PIGB: variants seen among roughly 807,000 people sequenced by gnomAD.
PIGB encodes the protein GPI alpha-1,2-mannosyltransferase 3.
A neutral mutation model predicts 68.4 loss-of-function variants in PIGB; 58 were observed. The ratio of observed to expected loss-of-function variants is 0.85; its 90% confidence interval spans 0.69 to 1.06. PIGB has a LOEUF of 1.06. PIGB is among the 50% of genes least tolerant of loss of function. PIGB has a pLI of 0.00. For synonymous variants in PIGB, 219 were observed against 220.5 expected, an observed-to-expected ratio of 0.99 and a Z score of 0.06; for missense variants, 634 against 655.8, an observed-to-expected ratio of 0.97 and a Z score of 0.36.
At chr15:55,333,479 C>T (rs751243568) in intron 5 of PIGB, among the ~76,000 whole-genome samples, 9 of 152,070 alleles carry the variant, frequency 5.9e-5, no homozygotes, top group Non-Finnish European at 1.2e-4. Context: ...GCCTGTAATC[C>T]CAGCACTTTA....
chr15:55,329,843 G>T lies in PIGB; in HGVS notation c.642G>T (p.Lys214Asn), dbSNP rs778844570. The T allele has an allele frequency of 6.4e-7, 1 of 1,573,744 alleles. No homozygotes were observed. The highest frequency in any genetic ancestry group is 8.7e-7 in the Non-Finnish European group (1 of 1,155,134). The change falls in exon 5 of 12, where the codon AAG becomes AAT. Residue 214 changes from lysine to asparagine, a missense_variant. Physicochemically the swap from Lys to Asn is moderately conservative, Grantham distance 94. Transcript: ENST00000164305. ...ALFYYPLEGS[K>N]SMNSVKYSSL... ...TCTACTATCCTTTGGAAGGTTCAAA[G>T]TCTATGAACAGGTAAGAAAAATTAT...
intron 9 of PIGB, among the ~76,000 whole-genome samples, chr15:55,347,403 G>A (rs1442369591): frequency 6.6e-6 from 1 of 152,228 alleles, no homozygotes; most frequent in Admixed American, 6.5e-5. Flanking sequence ...ACTCCCGCCT[G>A]GGCGAAAGAG....
chr15:55,350,845 A>C lies in PIGB; in HGVS notation c.1270A>C (p.Asn424His), dbSNP rs773895424. Reference protein sequence around the residue: ...VMSHIQKVCYNNPNKSSASIF... With the variant: ...VMSHIQKVCYHNPNKSSASIF... ...GAGTCATATTCAAAAAGTTTGTTAC[A>C]ACAATCCCAATAAATCTTCAGCTTC... The change falls in exon 10 of 12, where the codon AAC (asparagine) becomes CAC (histidine). Residue 424 changes from asparagine (N) to histidine (H), a missense_variant. Asn to His is a moderately conservative substitution (Grantham distance 68). Coordinates refer to ENST00000164305, the MANE Select transcript of PIGB (RefSeq NM_004855.5). 5.0e-6 allele frequency: 8 copies of C among 1,610,434 alleles called. No individual in the cohort carries two copies. Among genetic ancestry groups the C allele is most frequent in the Non-Finnish European group, 6.8e-6 (8 of 1,176,958 alleles).
At chr15:55,324,958 A>G (rs941368140) in intron 3 of PIGB, 3 of 273,288 alleles carry the variant, frequency 1.1e-5, no homozygotes, top group Non-Finnish European at 1.7e-5. Context: ...AAGAAAATAA[A>G]GTGCTAAAAG....
At chr15:55,321,646 C>CTTTT (rs966940527) in intron 3 of PIGB, among the ~76,000 whole-genome samples, 1,151 of 67,434 alleles carry the variant, frequency 0.017, 1 homozygote, top group Non-Finnish European at 0.023. Context: ...ATACTTCTTT[C>CTTTT]TTTTTTTTTT....
At chr15:55,343,135 C>G (rs528434036) in intron 9 of PIGB, 1 of 152,194 alleles carries the variant, frequency 6.6e-6, no homozygotes, top group Non-Finnish European at 1.5e-5. Flanking sequence ...GATAAACATA[C>G]AAATATAAAA....
intron 10 of PIGB, chr15:55,354,475 G>A (rs770426545): frequency 3.1e-5 from 7 of 227,700 alleles, no homozygotes; most frequent in Non-Finnish European, 5.9e-5. Flanking sequence ...TGGTCCTGAG[G>A]ACCATTTATG....
chr15:55,333,609 G>T (rs2141185132), intron 5 of PIGB, among the ~76,000 whole-genome samples: 1 of 152,312 alleles, frequency 6.6e-6, no homozygotes, highest in Non-Finnish European at 1.5e-5. Flanking sequence ...GTACACACCT[G>T]TAATCCCAGC....
intron 7 of PIGB, among the ~76,000 whole-genome samples, chr15:55,339,593 G>A (rs1008582634): frequency 2.0e-5 from 3 of 152,134 alleles, no homozygotes; most frequent in African/African-American, 4.8e-5. Context: ...TCAGCTTTAC[G>A]CTGTAATTCA....
chr15:55,338,061 T>G (rs947089536), intron 6 of PIGB, among the ~76,000 whole-genome samples: 1 of 152,156 alleles, frequency 6.6e-6, no homozygotes, highest in African/African-American at 2.4e-5. Flanking sequence ...ACTGACTGAT[T>G]GGAGGGACAA....
intron 9 of PIGB, among the ~76,000 whole-genome samples, chr15:55,347,010 G>GACTT (rs1274543956): frequency 6.6e-6 from 1 of 152,162 alleles, no homozygotes; most frequent in Non-Finnish European, 1.5e-5. Context: ...CAGGACTCTT[G>GACTT]ACTTATACTC....
intron 8 of PIGB, 99 bp from the exon 9 acceptor site, chr15:55,341,639 G>A (rs528000898): frequency 2.5e-6 from 1 of 398,246 alleles, no homozygotes; most frequent in South Asian, 6.1e-5. Context: ...AAAATAAATA[G>A]ATCAAGTTAA....
At chr15:55,353,241 T>C (rs2055962399) in intron 10 of PIGB, among the ~76,000 whole-genome samples, 2 of 152,212 alleles carry the variant, frequency 1.3e-5, no homozygotes, top group South Asian at 4.1e-4. Flanking sequence ...GACTTGGAAG[T>C]AGAGAGCAAC....
At chr15:55,321,498 G>A (rs2055162281) in intron 3 of PIGB, 108 bp downstream of exon 3, 1 of 777,608 alleles carries the variant, frequency 1.3e-6, no homozygotes, top group African/African-American at 1.8e-5. Flanking sequence ...TGATACTACA[G>A]ACATACTGTG....
At position 55,355,470 on chromosome 15, in the gene PIGB, T is replaced by C. The variant is rs2141232932; in HGVS notation, c.*38T>C. On this transcript the variant is annotated 3_prime_UTR_variant, in exon 12 of 12. Transcript: ENST00000164305. ...AAATTAACATTGCTGGGTGGAAATATTCAGATGCTGCTTAAATACTTCGGT... is the reference window on the plus strand; with the variant it reads ...AAATTAACATTGCTGGGTGGAAATACTCAGATGCTGCTTAAATACTTCGGT... 2 of 1,545,954 alleles carry C rather than the reference T, an allele frequency of 1.3e-6. No homozygotes were observed. The highest frequency in any genetic ancestry group is 2.3e-5 in the East Asian group (1 of 44,318).
chr15:55,339,153 CTG>C (rs2055605690), intron 6 of PIGB, 112 bp from the exon 7 acceptor site: 4 of 709,710 alleles, frequency 5.6e-6, no homozygotes, highest in Admixed American at 2.9e-5. Context: ...GTTGGTGAAA[CTG>C]TAAAGCATTT....
At chr15:55,325,517 G>A (rs1017459666) in intron 3 of PIGB, among the ~76,000 whole-genome samples, 2 of 151,882 alleles carry the variant, frequency 1.3e-5, no homozygotes, top group Non-Finnish European at 2.9e-5. Context: ...CTATAATTTA[G>A]TTGTAATACA....
intron 10 of PIGB, among the ~76,000 whole-genome samples, chr15:55,353,290 T>TGG (rs1317217369): frequency 0.011 from 1,669 of 152,344 alleles, 14 homozygotes; most frequent in Non-Finnish European, 0.014. Flanking sequence ...GTAATGGCTT[T>TGG]ACTGTGGCAT....
At position 55,344,245 on chromosome 15, in the gene PIGB, A is replaced by G. The variant is rs582350; in HGVS notation, c.1123+2443A>G. ...TCACTTACACAGCTGCAGATTGGGT[A>G]GATAGCTCTATTGACCTAGGCTGGG... is the stretch of plus-strand genomic sequence containing the variant. On this transcript the variant is annotated intron_variant, in intron 9 of 11. Coordinates refer to ENST00000164305, the MANE Select transcript of PIGB (RefSeq NM_004855.5). 7.6e-3 allele frequency among the ~76,000 whole-genome samples: 1,165 copies of G among 152,342 alleles called. 12 individuals carry two copies. Among genetic ancestry groups the G allele is most frequent in the African/African-American group, 0.027 (1,117 of 41,578 alleles).
Sources: gnomAD v4.1 joint callset for allele counts (sites outside exome capture counted in the v4.1 genomes callset) on GRCh38, gnomAD v4.1.1 for gene constraint, MANE v1.5 for transcripts, NCBI Gene and HGNC (gene_info 2026-07-23, HGNC 2026-07-21) for gene names.